Variants in A2ML1 observed in about 807,000 individuals in gnomAD.
A2ML1 encodes the protein alpha-2-macroglobulin like 1.
In A2ML1, 161 loss-of-function variants were observed where a neutral mutation model predicts 181.9. The observed-to-expected ratio is 0.89, with a 90% CI of 0.78 to 1.01. The LOEUF (loss-of-function observed/expected upper bound fraction) is 1.01, where lower values mean the gene tolerates loss of function less well. Ranked by LOEUF, A2ML1 falls within the 50% of genes least tolerant of loss-of-function variation. The pLI, the probability that A2ML1 is intolerant of heterozygous loss-of-function variation, is 0.00. For synonymous variants in A2ML1, 663 were observed against 666.8 expected (o/e 0.99, Z 0.09); for missense variants, 1,670 against 1,768.1 (o/e 0.94, Z 1.00).
intron 4 of A2ML1, among the ~76,000 whole-genome samples, chr12:8,831,428 T>C (rs1426141279): frequency 6.6e-6 from 1 of 152,230 alleles, no homozygotes; most frequent in Non-Finnish European, 1.5e-5. Context: ...TTCTGTTTTC[T>C]GCAGTTAGGC....
chr12:8,868,240 G>GATAC lies in A2ML1; in HGVS notation c.3946_3949dup (p.Asn1317IlefsTer13). On this transcript the variant is annotated frameshift_variant, in exon 31 of 36. Coordinates refer to ENST00000299698, the MANE Select transcript of A2ML1 (RefSeq NM_144670.6). LOFTEE classifies it high-confidence loss of function. Reference sequence around the variant, plus strand: ...ATTTCTTCCTACCAGACGGTGTTGAGATACAATATTCTCCCTCCCACAAAT... The same window carrying GATAC: ...ATTTCTTCCTACCAGACGGTGTTGAGATACATACAATATTCTCCCTCCCACAAAT... 6.2e-7 allele frequency: 1 copy of GATAC among 1,613,922 alleles called. No individual in the cohort carries two copies. Among genetic ancestry groups the GATAC allele is most frequent in the Non-Finnish European group, 8.5e-7 (1 of 1,179,994 alleles).
Position 8,848,829 on chromosome 12 carries a change from C to A in A2ML1, c.1943C>A (p.Pro648Gln). The part of the protein sequence containing the change: ...PWDFPQPLID[P>Q]MPQGHSSQRS... The stretch of plus-strand genomic sequence containing the variant: ...GACTTTCCTCAGCCCCTCATTGACC[C>A]AATGCCCCAAGGGCATTCGAGCCAG... The change falls in exon 16 of 36, where the codon CCA becomes CAA. Residue 648 changes from proline to glutamine, a missense_variant. Physicochemically the swap from Pro to Gln is moderately conservative, Grantham distance 76 (BLOSUM62 -1). Transcript: ENST00000299698. 6.2e-7 allele frequency: 1 copy of A among 1,614,134 alleles called. No homozygotes were observed.
chr12:8,843,835 C>T (rs1256578306), intron 12 of A2ML1, among the ~76,000 whole-genome samples: 4 of 151,430 alleles, frequency 2.6e-5, no homozygotes, highest in Non-Finnish European at 5.9e-5. Flanking sequence ...TCTCCTGTCT[C>T]AGCCTCCCAA....
At chr12:8,849,929 C>G (rs1297889188) in intron 17 of A2ML1, among the ~76,000 whole-genome samples, 170 bp downstream of exon 17, 1 of 152,156 alleles carries the variant, frequency 6.6e-6, no homozygotes, top group Admixed American at 6.5e-5. Context: ...CTGGGGAGAG[C>G]TTTTGAAGCC....
In A2ML1 at chr12:8,876,170, G is replaced by A. The variant is rs1345121714; in HGVS notation, c.*114G>A. The A allele has an allele frequency of 6.6e-6, 1 of 152,186 alleles. No individual in the cohort carries two copies. Among genetic ancestry groups the A allele is most frequent in the African/African-American group, 2.4e-5 (1 of 41,432 alleles). 9.4% of individuals were successfully genotyped at this position (152,186 alleles called of 1,614,324 possible). ...TCAAATAATTTAATTTCTCTGACTAGTATATGGGTAACAAATGAATATGTC... is the reference window on the plus strand; with the variant it reads ...TCAAATAATTTAATTTCTCTGACTAATATATGGGTAACAAATGAATATGTC... On this transcript the variant is annotated 3_prime_UTR_variant, in exon 36 of 36. Transcript: ENST00000299698.
chr12:8,826,762 G>GCA (rs1942943064), intron 3 of A2ML1, among the ~76,000 whole-genome samples: 1 of 152,116 alleles, frequency 6.6e-6, no homozygotes, highest in Non-Finnish European at 1.5e-5. Flanking sequence ...GGGTTTACAG[G>GCA]TGAGCGCCAC....
Position 8,852,429 on chromosome 12 carries a change from G to A in A2ML1, c.2590+93G>A, listed in dbSNP as rs1943925697. 3 of 1,547,154 alleles carry A rather than the reference G, an allele frequency of 1.9e-6. No homozygotes were observed. The highest frequency in any genetic ancestry group is 2.7e-5 in the African/African-American group (2 of 73,482). On this transcript the variant is annotated intron_variant, in intron 20 of 35. Coordinates refer to ENST00000299698, the MANE Select transcript of A2ML1 (RefSeq NM_144670.6). The surrounding 1 kb of genome is among the most constrained non-coding windows in gnomAD (Gnocchi z 4.2). ...TCTTTTCCTCTGCCACATCTGCTTT[G>A]CTTCCTCCTCCATTTTCCACTATTT...
chr12:8,837,595 C>G, intron 8 of A2ML1, 29 bp downstream of exon 8: 1 of 1,601,452 alleles, frequency 6.2e-7, no homozygotes. Flanking sequence ...AAAAAGGAAC[C>G]TATCGGCCAG....
At chr12:8,859,960 T>C (rs1450674214) in intron 26 of A2ML1, among the ~76,000 whole-genome samples, 1 of 152,158 alleles carries the variant, frequency 6.6e-6, no homozygotes, top group African/African-American at 2.4e-5. Flanking sequence ...GCTCCAGAGT[T>C]AAATGTCCTG....
chr12:8,873,346 C>T (rs1028506336), intron 33 of A2ML1, among the ~76,000 whole-genome samples: 3 of 151,412 alleles, frequency 2.0e-5, no homozygotes, highest in African/African-American at 7.3e-5. Context: ...TTCAAATGAT[C>T]CTTCCACCTC....
rs74061852 is a variant in A2ML1 at position 8,869,554 on chromosome 12, C to T, written c.4221+351C>T. ...TTTTACCATACAATTAATATACAGACGTATTAATGAGATATCTACATTCTT... is the reference window on the plus strand; with the variant it reads ...TTTTACCATACAATTAATATACAGATGTATTAATGAGATATCTACATTCTT... On this transcript the variant is annotated intron_variant, in intron 33 of 35. Transcript: ENST00000299698. Among the ~76,000 whole-genome samples, 510 of 152,128 alleles carry T rather than the reference C, an allele frequency of 3.4e-3. 1 individual carries two copies. Among genetic ancestry groups the T allele is most frequent in the African/African-American group, 0.01 (431 of 41,526 alleles).
downstream of A2ML1, among the ~76,000 whole-genome samples, chr12:8,877,879 C>A (rs1660152836): frequency 6.6e-6 from 1 of 152,134 alleles, no homozygotes; most frequent in Non-Finnish European, 1.5e-5. Context: ...AGGACACATG[C>A]ACCTGTATGT....
chr12:8,843,076 G>A (rs1171241638), intron 11 of A2ML1, 58 bp from the exon 12 acceptor site: 15 of 1,488,894 alleles, frequency 1.0e-5, no homozygotes, highest in Middle Eastern at 3.4e-4. Flanking sequence ...TAACAAGTCC[G>A]TGGGGTTTCC....
downstream of A2ML1, chr12:8,876,800 T>C (rs1450636604): frequency 6.6e-6 from 1 of 152,364 alleles, no homozygotes; most frequent in East Asian, 1.9e-4. Flanking sequence ...CATTTAGTTC[T>C]ATGCATATTT....
chr12:8,868,600 C>G lies in A2ML1; in HGVS notation c.4125C>G (p.Phe1375Leu), dbSNP rs748390950. 10 of 1,613,776 alleles carry G rather than the reference C, an allele frequency of 6.2e-6. No homozygotes were observed. Among genetic ancestry groups the G allele is most frequent in the Non-Finnish European group, 2.5e-6 (3 of 1,179,996 alleles). Residue 1375 changes from phenylalanine (F) to leucine (L), a missense_variant, in exon 32 of 36, where the codon TTC becomes TTG. Phe to Leu is a conservative substitution (Grantham distance 22). Coordinates refer to ENST00000299698, the MANE Select transcript of A2ML1 (RefSeq NM_144670.6). Reference protein sequence around the residue: ...AIVEVKMLSGFSPMEGTNQLL... With the variant: ...AIVEVKMLSGLSPMEGTNQLL... ...TGGAAGTGAAGATGCTATCTGGGTT[C>G]AGTCCCATGGAGGGCACCAATCAGT...
chr12:8,844,174 G>A (rs1340176116), intron 12 of A2ML1, among the ~76,000 whole-genome samples: 1 of 151,904 alleles, frequency 6.6e-6, no homozygotes, highest in Non-Finnish European at 1.5e-5. Context: ...AGAAAATAGT[G>A]CTGGCCAGGA....
intron 29 of A2ML1, among the ~76,000 whole-genome samples, chr12:8,867,577 G>T (rs760921425): frequency 9.2e-5 from 14 of 152,100 alleles, no homozygotes; most frequent in Non-Finnish European, 1.9e-4. Flanking sequence ...AACCCAGGAA[G>T]CGGAGGTTGC....
Position 8,843,113 on chromosome 12 carries a change from C to G in A2ML1, c.1249-21C>G, listed in dbSNP as rs778396326. On this transcript the variant is annotated intron_variant, in intron 11 of 35. Coordinates refer to ENST00000299698, the MANE Select transcript of A2ML1 (RefSeq NM_144670.6). Reference sequence around the variant, plus strand: ...TGGTTGGAGCACATGCTAAAATTCTCTCTCTCTCTTTTATTCTCAGGGAAA... The same window carrying G: ...TGGTTGGAGCACATGCTAAAATTCTGTCTCTCTCTTTTATTCTCAGGGAAA... 73 of 1,606,872 alleles carry G rather than the reference C, an allele frequency of 4.5e-5. 1 individual carries two copies. The South Asian group carries it at 4.7e-4, about 10-fold the overall frequency.
In A2ML1 at chr12:8,850,399, A is replaced by T. The variant is rs1943849547; in HGVS notation, c.2234+125A>T. On this transcript the variant is annotated intron_variant, in intron 18 of 35. Coordinates refer to ENST00000299698, the MANE Select transcript of A2ML1 (RefSeq NM_144670.6). ...CAGGAGTTCAAGACCAGCCTGGGCA[A>T]CATAATGAGCTTCTGTCTCTACAAA... The T allele has an allele frequency of 5.0e-5, 28 of 555,480 alleles. 2 individuals are homozygous for T. In the South Asian group the frequency reaches 7.4e-4, roughly 15 times the overall value. The allele number at this position is 555,480 out of a possible 1,614,324, so 34.4% of individuals were successfully genotyped here.
Sources: allele counts gnomAD v4.1 joint callset (sites outside exome capture counted in the v4.1 genomes callset), GRCh38; gene constraint gnomAD v4.1.1; non-coding constraint Gnocchi (gnomAD v3.1); transcripts MANE v1.5; gene names NCBI Gene and HGNC (gene_info 2026-07-23, HGNC 2026-07-21).